Variants in TRIOBP observed in about 807,000 individuals in gnomAD.
The protein encoded by TRIOBP is TRIO and F-actin binding protein, also known as TRIO and F-actin-binding protein.
TRIOBP carries 169 observed loss-of-function variants against 238.8 expected under a neutral mutation model. The observed-to-expected ratio is 0.71, with a 90% confidence interval of 0.62 to 0.80. The LOEUF is 0.80. Among genes scored for constraint, TRIOBP ranks in the 30% least tolerant of loss-of-function variants. The pLI, the probability that TRIOBP is intolerant of heterozygous loss-of-function variation, is 0.00. For synonymous variants in TRIOBP, 1,150 were observed against 1,274.4 expected (o/e 0.90, Z 2.08); for missense variants, 2,838 against 3,122.6 (o/e 0.91, Z 2.17).
intron 11 of TRIOBP, among the ~76,000 whole-genome samples, chr22:37,750,234 T>G (rs1925511154): frequency 6.6e-6 from 1 of 152,210 alleles, no homozygotes; most frequent in Non-Finnish European, 1.5e-5. Flanking sequence ...CAGCTTGTCA[T>G]TCCTGCCCCA....
chr22:37,759,115 C>A, intron 16 of TRIOBP, 39 bp from the exon 17 acceptor site: 1 of 1,549,134 alleles, frequency 6.5e-7, no homozygotes, highest in East Asian at 2.4e-5. Context: ...AGCCCTGCCC[C>A]AGCTTCCAGG....
At chr22:37,735,534 A>C in intron 9 of TRIOBP, 92 bp downstream of exon 9, 2 of 1,428,008 alleles carry the variant, frequency 1.4e-6, no homozygotes, top group Non-Finnish European at 1.9e-6. Flanking sequence ...GAGTAGCCTA[A>C]GCTCCTGCAT....
chr22:37,759,236 G>A lies in TRIOBP; in HGVS notation c.6296G>A (p.Gly2099Asp). The change falls in exon 17 of 24, where the codon GGC becomes GAC. Residue 2099 changes from glycine to aspartate, a missense_variant. Gly to Asp is a moderately conservative substitution (Grantham distance 94). Around this residue, in one of 5 missense-constraint regions of TRIOBP, gnomAD observed 2,096 missense variants for 2,137.4 expected, o/e 0.98. Transcript: ENST00000644935. ...PQSALRSQEDGHIPPGYISQE... is the reference protein window; with the variant it reads ...PQSALRSQEDDHIPPGYISQE... ...AGTGCACTGAGATCCCAGGAGGATGGCCACATCCCCCCGGGCTACATCTCA... is the reference window on the plus strand; with the variant it reads ...AGTGCACTGAGATCCCAGGAGGATGACCACATCCCCCCGGGCTACATCTCA... The A allele has an allele frequency of 6.2e-7, 1 of 1,613,064 alleles. No homozygotes were observed. Among genetic ancestry groups the A allele is most frequent in the South Asian group, 1.1e-5 (1 of 91,082 alleles).
chr22:37,709,352 C>T (rs771875764), intron 3 of TRIOBP, among the ~76,000 whole-genome samples: 30 of 152,344 alleles, frequency 2.0e-4, no homozygotes, highest in African/African-American at 5.8e-4. Flanking sequence ...CGGGTTCCTG[C>T]GGTTTCATGT....
At chr22:37,773,443 C>T (rs2145886716) in intron 23 of TRIOBP, among the ~76,000 whole-genome samples, 1 of 152,264 alleles carries the variant, frequency 6.6e-6, no homozygotes, top group East Asian at 1.9e-4. Context: ...TGGTCTCGAA[C>T]TCCTGGGCTC....
At position 37,741,027 on chromosome 22, in the gene TRIOBP, C is replaced by T. The variant is rs368112491; in HGVS notation, c.5317C>T (p.Arg1773Ter). 1.2e-5 allele frequency: 18 copies of T among 1,562,026 alleles called. No individual in the cohort carries two copies. Among genetic ancestry groups the T allele is most frequent in the African/African-American group, 5.4e-5 (4 of 73,630 alleles). Residue 1773 changes from arginine to a stop codon, truncating the protein, a stop_gained, in exon 11 of 24, where the codon CGA becomes TGA. Transcript: ENST00000644935. LOFTEE classifies it high-confidence loss of function. ...FLLSLGVLRW[R>*]RPDLLNFKKG... ...GCTGTCTCTGGGGGTCCTCAGGTGG[C>T]GAAGGGTAGGCTGGCTCCAGTGGGG...
intron 11 of TRIOBP, among the ~76,000 whole-genome samples, chr22:37,746,038 C>T (rs1179430892): frequency 7.2e-6 from 1 of 137,938 alleles, no homozygotes; most frequent in African/African-American, 2.6e-5. Flanking sequence ...CGGCCCCATC[C>T]GCCCACCCCG....
intron 8 of TRIOBP, among the ~76,000 whole-genome samples, chr22:37,733,990 T>A (rs1018900649): frequency 6.6e-6 from 1 of 152,234 alleles, no homozygotes; most frequent in Non-Finnish European, 1.5e-5. Flanking sequence ...TGAGCAGATT[T>A]CAGGGAAAGC....
intron 6 of TRIOBP, among the ~76,000 whole-genome samples, chr22:37,718,852 T>G (rs1263940285): frequency 1.4e-5 from 2 of 145,864 alleles, no homozygotes; most frequent in South Asian, 2.3e-4. Flanking sequence ...TGTTTTTTTT[T>G]TTTTTTTTTT....
At chr22:37,738,873 G>C (rs1287841003) in intron 10 of TRIOBP, among the ~76,000 whole-genome samples, 154 bp downstream of exon 10, 1 of 152,174 alleles carries the variant, frequency 6.6e-6, no homozygotes, top group Non-Finnish European at 1.5e-5. Flanking sequence ...GCCTTAAGAA[G>C]AGGGGCTCTG....
intron 22 of TRIOBP, among the ~76,000 whole-genome samples, chr22:37,772,152 C>T (rs61181972): frequency 0.088 from 13,417 of 152,106 alleles, 2,031 homozygotes; most frequent in African/African-American, 0.3. Flanking sequence ...GTCTGCAGCC[C>T]GCCTGGCCCA....
At chr22:37,753,707 C>A (rs1925752687) in intron 12 of TRIOBP, among the ~76,000 whole-genome samples, 1 of 152,174 alleles carries the variant, frequency 6.6e-6, no homozygotes, top group African/African-American at 2.4e-5. Context: ...CTCAGGGAGG[C>A]AATGTGGAAA....
rs746321702 is a variant in TRIOBP at position 37,733,401 on chromosome 22, C to T, written c.4051C>T (p.Pro1351Ser). Residue 1351 changes from proline (P) to serine (S), a missense_variant, in exon 8 of 24, where the codon CCC becomes TCC. Pro to Ser is a moderately conservative substitution (Grantham distance 74). Around this residue, in one of 5 missense-constraint regions of TRIOBP, gnomAD observed 2,096 missense variants for 2,137.4 expected, o/e 0.98. Transcript: ENST00000644935. ...TCTCCGAAGACAGTCCAGCCCTGCCCCCAGCAGGCAGGTGAGCACTGCCAG... is the reference window on the plus strand; with the variant it reads ...TCTCCGAAGACAGTCCAGCCCTGCCTCCAGCAGGCAGGTGAGCACTGCCAG... Reference protein sequence around the residue: ...QLLRRQSSPAPSRQVTMLPAK... With the variant: ...QLLRRQSSPASSRQVTMLPAK... The T allele has an allele frequency of 3.5e-4, 548 of 1,550,542 alleles. No homozygotes were observed. Among genetic ancestry groups the T allele is most frequent in the Non-Finnish European group, 4.7e-4 (538 of 1,146,974 alleles).
intron 3 of TRIOBP, among the ~76,000 whole-genome samples, chr22:37,705,249 C>A (rs918116851): frequency 2.6e-5 from 4 of 151,982 alleles, no homozygotes; most frequent in Non-Finnish European, 5.9e-5. Flanking sequence ...GTGGTGGGTG[C>A]CTGTAATCCC....
At chr22:37,710,322 C>T (rs532350335) in intron 3 of TRIOBP, 105 bp from the exon 4 acceptor site, 3 of 1,528,756 alleles carry the variant, frequency 2.0e-6, no homozygotes, top group South Asian at 1.2e-5. Flanking sequence ...CAGGATCCCC[C>T]GAGGAGATGC....
Position 37,734,432 on chromosome 22 carries a change from A to T in TRIOBP, c.4096A>T (p.Thr1366Ser). 1 of 1,613,182 alleles carries T rather than the reference A, an allele frequency of 6.2e-7. No individual in the cohort carries two copies. Among genetic ancestry groups the T allele is most frequent in the Non-Finnish European group, 8.5e-7 (1 of 1,179,928 alleles). ...GCTCCCTGCCAAACAGGCAGAACTG[A>T]CCCGGCGGAGCCAAGCAGAGCCCCC... ...TMLPAKQAELTRRSQAEPPHP... is the reference protein window; with the variant it reads ...TMLPAKQAELSRRSQAEPPHP... Residue 1366 changes from threonine to serine, a missense_variant, in exon 9 of 24, where the codon ACC (threonine) becomes TCC (serine). Thr to Ser is a moderately conservative substitution (Grantham distance 58). Coordinates refer to ENST00000644935, the MANE Select transcript of TRIOBP (RefSeq NM_001039141.3).
chr22:37,720,411 A>T (rs1236256381), intron 6 of TRIOBP, among the ~76,000 whole-genome samples: 1 of 152,062 alleles, frequency 6.6e-6, no homozygotes, highest in Non-Finnish European at 1.5e-5. Context: ...CCATTCCAGG[A>T]TCCCACATTG....
rs886759688 is a variant in TRIOBP, at chr22:37,767,403, A to G, written c.6473-671A>G. ...AAACCATGGGTGGCCCTGAGTGGGA[A>G]AAAAAAAGCCTCGGTCTCAGTCCTT... On this transcript the variant is annotated intron_variant, in intron 18 of 23. Transcript: ENST00000644935. 2.6e-5 allele frequency among the ~76,000 whole-genome samples: 4 copies of G among 152,184 alleles called. No individual in the cohort carries two copies. The East Asian group carries it at 7.7e-4, about 29-fold the overall frequency.
Position 37,774,159 on chromosome 22 carries a change from G to A in TRIOBP, c.*379G>A, listed in dbSNP as rs985588978. 6.8e-6 allele frequency: 1 copy of A among 147,838 alleles called. No homozygotes were observed. The highest frequency in any genetic ancestry group is 2.0e-4 in the East Asian group (1 of 5,036). The allele number at this position is 147,838 out of a possible 1,614,324, so 9.2% of individuals were successfully genotyped here. On this transcript the variant is annotated 3_prime_UTR_variant, in exon 24 of 24. Transcript: ENST00000644935. ...AAAAAAAGCAATTCCTGGTGGCTGT[G>A]TGCCTCCAACCCTGGTCCCCCTCTG...
Sources: allele counts gnomAD v4.1 joint callset (sites outside exome capture counted in the v4.1 genomes callset), GRCh38; gene constraint gnomAD v4.1.1; regional missense constraint gnomAD v4.1.1; transcripts MANE v1.5; gene names NCBI Gene and HGNC (gene_info 2026-07-23, HGNC 2026-07-21).